The following SUV39H2 variants were observed in gnomAD, a reference collection of about 807,000 sequenced individuals.
SUV39H2 encodes the protein SUV39H2 histone lysine methyltransferase, also known as histone-lysine N-methyltransferase SUV39H2.
In SUV39H2, 10 loss-of-function variants were observed where a neutral mutation model predicts 47.5. The observed-to-expected ratio is 0.21, with a 90% CI of 0.13 to 0.36. The LOEUF is 0.36. SUV39H2 is among the 10% of genes least tolerant of loss of function. The pLI, the probability that SUV39H2 is intolerant of heterozygous loss-of-function variation, is 1.00. For synonymous variants in SUV39H2, 159 were observed against 166.8 expected (o/e 0.95, Z 0.36); for missense variants, 266 against 487.4 (o/e 0.55, Z 4.28).
rs1297493633 is a variant in SUV39H2 at position 14,902,692 on chromosome 10, A to G, written c.*180A>G. The G allele has an allele frequency of 1.5e-5, 7 of 473,432 alleles. No homozygotes were observed. The East Asian group carries it at 2.1e-4, about 14-fold the overall frequency. The allele number at this position is 473,432 out of a possible 1,614,324, so 29.3% of individuals were successfully genotyped here. A position where few individuals can be genotyped will look rare whatever the true frequency, so the allele number is the denominator to read the frequency against. On this transcript the variant is annotated 3_prime_UTR_variant, in exon 6 of 6. Coordinates refer to ENST00000354919, the MANE Select transcript of SUV39H2 (RefSeq NM_001193424.2). ...TCTGAAAAGGGGGTCACTGGGTCTC[A>G]TAGACTGATATGAAGTCGACATATT...
At chr10:14,901,563 A>G (rs1273484457) in intron 5 of SUV39H2, among the ~76,000 whole-genome samples, 5 of 150,236 alleles carry the variant, frequency 3.3e-5, no homozygotes, top group African/African-American at 1.2e-4. Context: ...TTTTTTTTAA[A>G]TTGTGGGCTA....
chr10:14,882,467 C>T (rs1399625764), intron 2 of SUV39H2, among the ~76,000 whole-genome samples: 1 of 152,262 alleles, frequency 6.6e-6, no homozygotes, highest in Non-Finnish European at 1.5e-5. Context: ...CACCTGCACT[C>T]TCAGCATCCT....
rs1834117549 is a variant in SUV39H2, at chr10:14,902,877, C to G, written c.*365C>G. On this transcript the variant is annotated 3_prime_UTR_variant, in exon 6 of 6. Transcript: ENST00000354919. ...GCTGAGAGATCAAAGATTCAACTTG[C>G]CATACACCTCAAATTCGGAGAAACA... 6.4e-6 allele frequency: 1 copy of G among 155,876 alleles called. No homozygotes were observed. The highest frequency in any genetic ancestry group is 2.4e-5 in the African/African-American group (1 of 41,528). 9.7% of individuals were successfully genotyped at this position (155,876 alleles called of 1,614,324 possible).
Position 14,893,772 on chromosome 10 carries a change from A to G in SUV39H2, c.178-3074A>G, listed in dbSNP as rs184293496. On this transcript the variant is annotated intron_variant, in intron 2 of 5. Transcript: ENST00000354919. ...TGTTCATAAATTCAAGTAGGTACCAATGTGATTAGCATACAAAACTTGGTC... is the reference window on the plus strand; with the variant it reads ...TGTTCATAAATTCAAGTAGGTACCAGTGTGATTAGCATACAAAACTTGGTC... Among the ~76,000 whole-genome samples the G allele has an allele frequency of 9.5e-4, 144 of 152,342 alleles. 1 individual carries two copies. The highest frequency in any genetic ancestry group is 3.4e-3 in the Middle Eastern group (1 of 294).
chr10:14,882,009 TACTG>T (rs1195556020), intron 2 of SUV39H2, among the ~76,000 whole-genome samples: 2 of 152,224 alleles, frequency 1.3e-5, no homozygotes, highest in African/African-American at 4.8e-5. Flanking sequence ...ATTTTAGTGT[TACTG>T]ACTCTCAAGA....
intron 2 of SUV39H2, among the ~76,000 whole-genome samples, chr10:14,895,322 G>T (rs1833534358): frequency 6.6e-6 from 1 of 151,926 alleles, no homozygotes; most frequent in African/African-American, 2.4e-5. Flanking sequence ...GATTACAGGT[G>T]CCTGCCACCA....
At chr10:14,881,678 C>T in intron 2 of SUV39H2, 33 bp downstream of exon 2, 1 of 1,392,110 alleles carries the variant, frequency 7.2e-7, no homozygotes, top group Non-Finnish European at 9.4e-7. Context: ...TACAAGAGAC[C>T]TAATCAGACT....
At position 14,896,933 on chromosome 10, in the gene SUV39H2, C is replaced by A. The variant is rs1440656850; in HGVS notation, c.265C>A (p.Leu89Met). ...EPLQNLKCPL[L>M]LQQFSNDKHN... Reference sequence around the variant, plus strand: ...TTTGCAAAATCTGAAGTGCCCGTTACTGCTTCAGCAATTCTCTAATGACAA... The same window carrying A: ...TTTGCAAAATCTGAAGTGCCCGTTAATGCTTCAGCAATTCTCTAATGACAA... The change falls in exon 3 of 6, where the codon CTG becomes ATG. Residue 89 changes from leucine to methionine, a missense_variant. Physicochemically the swap from Leu to Met is conservative, Grantham distance 15. Transcript: ENST00000354919. 6.2e-7 allele frequency: 1 copy of A among 1,613,848 alleles called. No individual in the cohort carries two copies. The highest frequency in any genetic ancestry group is 8.5e-7 in the Non-Finnish European group (1 of 1,179,916).
chr10:14,895,465 C>T (rs796768521), intron 2 of SUV39H2, among the ~76,000 whole-genome samples: 9 of 152,268 alleles, frequency 5.9e-5, no homozygotes, highest in African/African-American at 1.2e-4. Flanking sequence ...CGTGACCCAC[C>T]GCACCCAGCC....
chr10:14,883,070 T>C (rs1048685159), intron 2 of SUV39H2, among the ~76,000 whole-genome samples: 4 of 152,096 alleles, frequency 2.6e-5, no homozygotes, highest in African/African-American at 9.7e-5. Flanking sequence ...GGTTTCACCA[T>C]GTTGGCCAGG....
At chr10:14,900,050 A>G (rs1833891640) in intron 4 of SUV39H2, among the ~76,000 whole-genome samples, 2 of 152,216 alleles carry the variant, frequency 1.3e-5, no homozygotes, top group Admixed American at 1.3e-4. Context: ...AGTTAACACG[A>G]CTACATTTTA....
intron 2 of SUV39H2, among the ~76,000 whole-genome samples, chr10:14,892,339 T>G (rs1833415047): frequency 6.6e-6 from 1 of 152,212 alleles, no homozygotes; most frequent in Admixed American, 6.5e-5. Flanking sequence ...ACAATAAAGT[T>G]CAAGTGTCTC....
chr10:14,880,839 A>G (rs1833020677), intron 1 of SUV39H2, among the ~76,000 whole-genome samples: 1 of 152,238 alleles, frequency 6.6e-6, no homozygotes, highest in African/African-American at 2.4e-5. Context: ...AAGTATTACA[A>G]AATATCGATA....
intron 2 of SUV39H2, among the ~76,000 whole-genome samples, chr10:14,885,658 T>G (rs1191640268): frequency 1.3e-5 from 2 of 152,232 alleles, no homozygotes; most frequent in Non-Finnish European, 2.9e-5. Context: ...CTCTCTTATG[T>G]CCTCAGTACC....
rs1293737051 is a variant in SUV39H2, at chr10:14,887,126, A to G, written c.177+5481A>G. ...AAGGGGATTGATAGGGAAAGGAATA[A>G]CACGTGCATGGCTGCATGTTCTGAA... On this transcript the variant is annotated intron_variant, in intron 2 of 5. Coordinates refer to ENST00000354919, the MANE Select transcript of SUV39H2 (RefSeq NM_001193424.2). Among the ~76,000 whole-genome samples, 3 of 152,220 alleles carry G rather than the reference A, an allele frequency of 2.0e-5. No homozygotes were observed. The East Asian group carries it at 5.8e-4, about 29-fold the overall frequency.
At chr10:14,899,239 G>A (rs1833821430) in intron 3 of SUV39H2, 3 of 702,130 alleles carry the variant, frequency 4.3e-6, no homozygotes, top group Non-Finnish European at 7.8e-6. Context: ...AAGATCGCTT[G>A]ATCCCAGGAG....
rs533639224 is a variant in SUV39H2, at chr10:14,896,200, C to T, written c.178-646C>T. On this transcript the variant is annotated intron_variant, in intron 2 of 5. Transcript: ENST00000354919. Reference sequence around the variant, plus strand: ...TCAAGCGATCCACCCACCTTGGCCTCCCAAAATGCTGGGATTACAGGCATG... The same window carrying T: ...TCAAGCGATCCACCCACCTTGGCCTTCCAAAATGCTGGGATTACAGGCATG... Among the ~76,000 whole-genome samples, 391 of 152,290 alleles carry T rather than the reference C, an allele frequency of 2.6e-3. 1 individual carries two copies. The highest frequency in any genetic ancestry group is 8.8e-3 in the African/African-American group (365 of 41,548).
chr10:14,879,359 C>T lies in SUV39H2; in HGVS notation c.31+440C>T, dbSNP rs906222693. 3.3e-5 allele frequency among the ~76,000 whole-genome samples: 5 copies of T among 152,304 alleles called. No homozygotes were observed. The East Asian group carries it at 9.7e-4, about 30-fold the overall frequency. On this transcript the variant is annotated intron_variant, in intron 1 of 5. Coordinates refer to ENST00000354919, the MANE Select transcript of SUV39H2 (RefSeq NM_001193424.2). ...GAAGTGGGAGGCGGGAAGCGACGCC[C>T]GCCGGCGTGAACATGACCTTAATAT...
chr10:14,901,295 A>C (rs1054900549), intron 5 of SUV39H2, 33 bp downstream of exon 5: 1 of 1,612,210 alleles, frequency 6.2e-7, no homozygotes, highest in Admixed American at 1.7e-5. Context: ...CATTGGTGTC[A>C]GTTTCAATAT....
Sources: allele counts gnomAD v4.1 joint callset (sites outside exome capture counted in the v4.1 genomes callset), GRCh38; gene constraint gnomAD v4.1.1; transcripts MANE v1.5; gene names NCBI Gene and HGNC (gene_info 2026-07-23, HGNC 2026-07-21).